Variants in OPCML observed in about 807,000 individuals in gnomAD.
The protein encoded by OPCML is opioid binding protein/cell adhesion molecule like.
In OPCML, 13 loss-of-function variants were observed where a neutral mutation model predicts 37.8. That is an observed-to-expected ratio of 0.34 (90% confidence interval 0.22 to 0.55). The LOEUF (loss-of-function observed/expected upper bound fraction) is 0.55. Ranked by LOEUF, OPCML falls within the 20% of genes least tolerant of loss-of-function variation. The pLI is 0.91. For missense variants in OPCML, 341 were observed against 435.6 expected (o/e 0.78, Z 1.93); for synonymous variants, 176 against 168.8 (o/e 1.04, Z -0.33).
chr11:132,732,486 G>A (rs1945947), intron 2 of OPCML, among the ~76,000 whole-genome samples: 103,990 of 152,012 alleles, frequency 0.68, 36,271 homozygotes, highest in African/African-American at 0.8. Flanking sequence ...ATTTCCATGC[G>A]TACATCTTGA....
intron 2 of OPCML, among the ~76,000 whole-genome samples, chr11:132,891,842 A>C (rs1357139139): frequency 2.0e-5 from 3 of 152,178 alleles, no homozygotes; most frequent in Admixed American, 6.5e-5. Flanking sequence ...AGATTTTTCA[A>C]TTTCCATGTT....
chr11:132,442,949 GTCTATTC>G lies in OPCML; in HGVS notation c.506-5597_506-5591del, dbSNP rs2096041450. 2.0e-5 allele frequency among the ~76,000 whole-genome samples: 3 copies of G among 152,234 alleles called. No individual in the cohort carries two copies. In the South Asian group the frequency reaches 6.2e-4, roughly 32 times the overall value. On this transcript the variant is annotated intron_variant, in intron 4 of 7. Coordinates refer to ENST00000524381, the MANE Select transcript of OPCML (RefSeq NM_001012393.5). Reference sequence around the variant, plus strand: ...AAACAGGTGACCTGTCCCTTTGTTGGTCTATTCACAGTATGCAAAAACAAAACAAAAC... The same window carrying G: ...AAACAGGTGACCTGTCCCTTTGTTGGACAGTATGCAAAAACAAAACAAAAC...
At chr11:132,550,216 G>A (rs541434785) in intron 3 of OPCML, among the ~76,000 whole-genome samples, 1 of 152,162 alleles carries the variant, frequency 6.6e-6, no homozygotes, top group African/African-American at 2.4e-5. Flanking sequence ...TGACATTAAG[G>A]GGGTGATAAT....
intron 2 of OPCML, among the ~76,000 whole-genome samples, chr11:132,698,093 G>A (rs1943667935): frequency 6.6e-6 from 1 of 151,100 alleles, no homozygotes; most frequent in Non-Finnish European, 1.5e-5. Context: ...GCCTCCCGAA[G>A]TGCTGGGATT....
At chr11:132,482,599 T>C (rs1184224303) in intron 4 of OPCML, among the ~76,000 whole-genome samples, 1 of 152,124 alleles carries the variant, frequency 6.6e-6, no homozygotes, top group Non-Finnish European at 1.5e-5. Flanking sequence ...ATACCAAAGC[T>C]GGGCAGAGAC....
At chr11:133,235,820 G>A (rs544577981) in intron 1 of OPCML, among the ~76,000 whole-genome samples, 2 of 152,242 alleles carry the variant, frequency 1.3e-5, no homozygotes, top group East Asian at 3.9e-4. Flanking sequence ...ATCAGATCTG[G>A]ATTCAGTTAC....
chr11:132,745,579 A>G (rs1055312592), intron 2 of OPCML, among the ~76,000 whole-genome samples: 3 of 120,192 alleles, frequency 2.5e-5, no homozygotes, highest in East Asian at 1.9e-4. Flanking sequence ...AAAAAAAAAA[A>G]AAAAGAAAGA....
At chr11:132,869,669 CTTA>C (rs1942719547) in intron 2 of OPCML, among the ~76,000 whole-genome samples, 1 of 152,190 alleles carries the variant, frequency 6.6e-6, no homozygotes, top group African/African-American at 2.4e-5. Context: ...CATTAATGAT[CTTA>C]TTATGTGGAC....
chr11:132,624,712 A>G (rs1939637621), intron 3 of OPCML, among the ~76,000 whole-genome samples: 1 of 152,162 alleles, frequency 6.6e-6, no homozygotes, highest in African/African-American at 2.4e-5. Flanking sequence ...TCTCTTCAGC[A>G]GCTAAATCCT....
chr11:132,487,855 T>A (rs1020495727), intron 4 of OPCML, among the ~76,000 whole-genome samples: 2 of 152,262 alleles, frequency 1.3e-5, no homozygotes, highest in Non-Finnish European at 2.9e-5. Context: ...ATTACTGCTT[T>A]CTAATATGCA....
At chr11:133,096,155 T>TG (rs1948999677) in intron 1 of OPCML, among the ~76,000 whole-genome samples, 2 of 150,254 alleles carry the variant, frequency 1.3e-5, no homozygotes, top group African/African-American at 5.0e-5. Context: ...TGTGTGTGTG[T>TG]TTATGTGTAA....
chr11:132,645,032 T>C (rs1941073282), intron 3 of OPCML, among the ~76,000 whole-genome samples: 1 of 152,208 alleles, frequency 6.6e-6, no homozygotes, highest in Admixed American at 6.5e-5. Context: ...ATCCATCCCA[T>C]TAAATTGATT....
chr11:133,035,867 G>T (rs1387862677), intron 1 of OPCML, among the ~76,000 whole-genome samples: 1 of 152,104 alleles, frequency 6.6e-6, no homozygotes, highest in African/African-American at 2.4e-5. Context: ...GACACCATGG[G>T]CGCAGCGGCA....
intron 2 of OPCML, among the ~76,000 whole-genome samples, chr11:132,687,412 A>G (rs1317916167): frequency 1.2e-5 from 1 of 83,226 alleles, no homozygotes; most frequent in Non-Finnish European, 2.2e-5. Context: ...ATATATATAT[A>G]TATATATATA....
At chr11:133,050,379 G>T (rs1948107676) in intron 1 of OPCML, among the ~76,000 whole-genome samples, 1 of 152,148 alleles carries the variant, frequency 6.6e-6, no homozygotes. Context: ...CAGGTAATGA[G>T]CTTGCCTGTA....
intron 2 of OPCML, among the ~76,000 whole-genome samples, chr11:132,705,631 T>C (rs1439038654): frequency 6.6e-6 from 1 of 151,536 alleles, no homozygotes; most frequent in East Asian, 1.9e-4. Context: ...GTACGGCAAT[T>C]CCCCCCGCCC....
chr11:132,506,878 C>T (rs2137155348), intron 4 of OPCML, among the ~76,000 whole-genome samples: 1 of 151,618 alleles, frequency 6.6e-6, no homozygotes, highest in East Asian at 1.9e-4. Flanking sequence ...GTTTTAATAC[C>T]TGCAAGTGGG....
chr11:132,515,181 T>C (rs1939969), intron 4 of OPCML, among the ~76,000 whole-genome samples: 31,533 of 152,050 alleles, frequency 0.21, 3,366 homozygotes, highest in Non-Finnish European at 0.23. Flanking sequence ...CAAAATCATC[T>C]AAGGTATCAT....
chr11:132,949,373 T>C (rs1202962440), intron 1 of OPCML, among the ~76,000 whole-genome samples: 1 of 152,186 alleles, frequency 6.6e-6, no homozygotes, highest in Non-Finnish European at 1.5e-5. Flanking sequence ...AGCTGAACAA[T>C]GGTGCACACA....
Sources: gnomAD v4.1 joint callset for allele counts (sites outside exome capture counted in the v4.1 genomes callset) on GRCh38, gnomAD v4.1.1 for gene constraint, MANE v1.5 for transcripts, NCBI Gene and HGNC (gene_info 2026-07-23, HGNC 2026-07-21) for gene names.